The following LRRC28 variants were observed in gnomAD, a reference collection of about 807,000 sequenced individuals.
LRRC28 encodes the protein leucine-rich repeat-containing protein 28.
A neutral mutation model predicts 45.7 loss-of-function variants in LRRC28; 39 were observed. That is an observed-to-expected ratio of 0.85 (90% CI 0.66 to 1.12). LRRC28 has a LOEUF of 1.12. Ranked by LOEUF, LRRC28 falls within the 50% of genes most tolerant of loss-of-function variation. LRRC28 has a pLI of 0.00. For missense variants in LRRC28, 435 were observed against 438.5 expected (o/e 0.99, Z 0.07); for synonymous variants, 206 against 178.8 (o/e 1.15, Z -1.22).
intron 7 of LRRC28, among the ~76,000 whole-genome samples, chr15:99,357,117 G>A (rs529687848): frequency 6.6e-6 from 1 of 152,216 alleles, no homozygotes; most frequent in East Asian, 1.9e-4. Context: ...GGATAAATCT[G>A]TAGTAGCTCC....
chr15:99,355,371 A>C (rs554725851), intron 7 of LRRC28: 1 of 152,190 alleles, frequency 6.6e-6, no homozygotes. Flanking sequence ...AAAGCCACAC[A>C]CTGTTGTTTC....
chr15:99,259,546 G>C, intron 2 of LRRC28: 1 of 1,274,560 alleles, frequency 7.8e-7, no homozygotes, highest in Non-Finnish European at 1.1e-6. Context: ...CAGAATCTCT[G>C]TGTGCTTTGG....
chr15:99,376,665 T>G (rs1049790274), intron 9 of LRRC28, among the ~76,000 whole-genome samples: 1 of 152,086 alleles, frequency 6.6e-6, no homozygotes, highest in Non-Finnish European at 1.5e-5. Flanking sequence ...GGTATATACC[T>G]AATGTACTCC....
intron 9 of LRRC28, among the ~76,000 whole-genome samples, chr15:99,364,304 G>A (rs1449220568): frequency 6.6e-6 from 1 of 152,138 alleles, no homozygotes; most frequent in Non-Finnish European, 1.5e-5. Flanking sequence ...GCATGTAAGA[G>A]GTATTCAACA....
At chr15:99,322,877 T>A (rs1955847428) in intron 5 of LRRC28, among the ~76,000 whole-genome samples, 1 of 152,230 alleles carries the variant, frequency 6.6e-6, no homozygotes, top group South Asian at 2.1e-4. Flanking sequence ...TAAGTTACTA[T>A]TCAACTTTGT....
At chr15:99,305,736 A>G (rs1955159377) in intron 5 of LRRC28, among the ~76,000 whole-genome samples, 1 of 152,144 alleles carries the variant, frequency 6.6e-6, no homozygotes, top group Non-Finnish European at 1.5e-5. Context: ...ATATTTTTCT[A>G]TCATTTATAA....
At chr15:99,304,255 T>A (rs1170792059) in intron 5 of LRRC28, among the ~76,000 whole-genome samples, 5 of 152,232 alleles carry the variant, frequency 3.3e-5, no homozygotes, top group Non-Finnish European at 7.3e-5. Flanking sequence ...AGCAAGGTTG[T>A]CAACTTTTGT....
At chr15:99,336,166 C>T (rs538089797) in intron 6 of LRRC28, among the ~76,000 whole-genome samples, 12 of 152,194 alleles carry the variant, frequency 7.9e-5, no homozygotes, top group African/African-American at 2.9e-4. Context: ...TATTGAGCAC[C>T]GAGTCTTCGG....
intron 3 of LRRC28, chr15:99,284,956 C>G: frequency 1.6e-6 from 1 of 617,232 alleles, no homozygotes; most frequent in East Asian, 3.5e-5. Flanking sequence ...CCATCAAAAC[C>G]ACCTCCACGA....
intron 5 of LRRC28, among the ~76,000 whole-genome samples, chr15:99,320,161 T>C (rs947256385): frequency 6.6e-6 from 1 of 152,190 alleles, no homozygotes; most frequent in African/African-American, 2.4e-5. Context: ...TTTATAAATA[T>C]AGTATTCTGT....
chr15:99,381,246 T>C (rs1186522361), intron 9 of LRRC28, among the ~76,000 whole-genome samples: 1 of 152,196 alleles, frequency 6.6e-6, no homozygotes, highest in Non-Finnish European at 1.5e-5. Flanking sequence ...TACTCTTTTT[T>C]CTCTTAACTT....
At chr15:99,316,573 C>G (rs1046292274) in intron 5 of LRRC28, among the ~76,000 whole-genome samples, 2 of 152,032 alleles carry the variant, frequency 1.3e-5, no homozygotes, top group Non-Finnish European at 2.9e-5. Flanking sequence ...CTTTTAAATT[C>G]TATTACTGTA....
chr15:99,373,060 C>G (rs759682478), intron 9 of LRRC28, among the ~76,000 whole-genome samples: 1 of 152,106 alleles, frequency 6.6e-6, no homozygotes, highest in Non-Finnish European at 1.5e-5. Flanking sequence ...GGGTCCTTCC[C>G]ACGACACATG....
chr15:99,289,260 A>T (rs2082043940), intron 5 of LRRC28, among the ~76,000 whole-genome samples: 1 of 152,192 alleles, frequency 6.6e-6, no homozygotes, highest in African/African-American at 2.4e-5. Context: ...ATAGATAATT[A>T]AAAAATAAAA....
At chr15:99,253,246 G>T (rs569658532) in intron 1 of LRRC28, among the ~76,000 whole-genome samples, 4 of 151,892 alleles carry the variant, frequency 2.6e-5, no homozygotes, top group Admixed American at 2.0e-4. Flanking sequence ...TCAGTCTCCC[G>T]AGTAGCTGGG....
chr15:99,341,083 CTTTTTTTTT>C (rs528372394), intron 6 of LRRC28, among the ~76,000 whole-genome samples: 190 of 100,494 alleles, frequency 1.9e-3, no homozygotes, highest in African/African-American at 5.9e-3. Flanking sequence ...ATTCTACTGT[CTTTTTTTTT>C]TTTTTTTTTT....
At chr15:99,258,404 G>T (rs1293977217) in intron 2 of LRRC28, 2 of 979,356 alleles carry the variant, frequency 2.0e-6, no homozygotes, top group Non-Finnish European at 3.3e-6. Context: ...CCTTGCATTG[G>T]ATACAATTAA....
chr15:99,287,164 A>T (rs1017064196), intron 3 of LRRC28, 93 bp from the exon 4 acceptor site: 1 of 1,084,914 alleles, frequency 9.2e-7, no homozygotes, highest in Non-Finnish European at 1.3e-6. Flanking sequence ...GCCTATTTAT[A>T]TTTGATAAAT....
chr15:99,331,993 C>T (rs897912758), intron 5 of LRRC28: 1 of 152,202 alleles, frequency 6.6e-6, no homozygotes, highest in African/African-American at 2.4e-5. Context: ...TGGCAGAGGC[C>T]TTGTCTCATC....
Sources: gnomAD v4.1 joint callset for allele counts (sites outside exome capture counted in the v4.1 genomes callset) on GRCh38, gnomAD v4.1.1 for gene constraint, MANE v1.5 for transcripts, NCBI Gene and HGNC (gene_info 2026-07-23, HGNC 2026-07-21) for gene names.